Variants in GRIN3A observed in about 807,000 individuals in gnomAD.
GRIN3A encodes the protein glutamate receptor ionotropic, NMDA 3A.
GRIN3A carries 47 observed loss-of-function variants against 92.4 expected under a neutral mutation model. The ratio of observed to expected loss-of-function variants is 0.51; its 90% confidence interval spans 0.40 to 0.65. The LOEUF is 0.65. Among genes scored for constraint, GRIN3A ranks in the 30% least tolerant of loss-of-function variants. GRIN3A has a pLI of 0.00. For missense variants in GRIN3A, 1,324 were observed against 1,393.1 expected, an observed-to-expected ratio of 0.95 and a Z score of 0.79; for synonymous variants, 527 against 540.6, an observed-to-expected ratio of 0.97 and a Z score of 0.35.
chr9:101,643,922 T>G (rs891624905), intron 3 of GRIN3A, among the ~76,000 whole-genome samples: 2 of 151,640 alleles, frequency 1.3e-5, no homozygotes, highest in South Asian at 4.1e-4. Context: ...TATTCATCAG[T>G]TATAAGATGA....
rs887649552 is a variant in GRIN3A, at chr9:101,734,662, G to C, written c.699+2619C>G. Among the ~76,000 whole-genome samples the C allele has an allele frequency of 9.9e-5, 15 of 151,960 alleles. No individual in the cohort carries two copies. The East Asian group carries it at 2.9e-3, about 29-fold the overall frequency. On this transcript the variant is annotated intron_variant, in intron 1 of 8. Coordinates refer to ENST00000361820, the MANE Select transcript of GRIN3A (RefSeq NM_133445.3). Reference sequence around the variant, plus strand: ...TCTTTCCATTTAAGAGTTGTGGCAGGATGTTACCAAAACTATTGCTCATTA... The same window carrying C: ...TCTTTCCATTTAAGAGTTGTGGCAGCATGTTACCAAAACTATTGCTCATTA...
At chr9:101,605,666 A>G (rs904979310) in intron 6 of GRIN3A, among the ~76,000 whole-genome samples, 1 of 152,198 alleles carries the variant, frequency 6.6e-6, no homozygotes, top group African/African-American at 2.4e-5. Context: ...GTGAAGCAAA[A>G]GATGGGGAAA....
intron 8 of GRIN3A, 103 bp downstream of exon 8, chr9:101,577,665 T>G (rs1827842470): frequency 3.4e-6 from 3 of 883,646 alleles, no homozygotes; most frequent in Non-Finnish European, 5.7e-6. Flanking sequence ...TTTATACTGA[T>G]TCTTTTGATA....
chr9:101,610,367 G>A (rs1828345360), intron 6 of GRIN3A, among the ~76,000 whole-genome samples: 1 of 152,156 alleles, frequency 6.6e-6, no homozygotes, highest in Non-Finnish European at 1.5e-5. Context: ...GAGGAGAAAT[G>A]TTTTTGCATC....
chr9:101,625,244 C>A (rs2118873741), intron 4 of GRIN3A, among the ~76,000 whole-genome samples: 1 of 152,170 alleles, frequency 6.6e-6, no homozygotes, highest in Non-Finnish European at 1.5e-5. Context: ...TTAGAGTTGT[C>A]CAAACAGCTT....
intron 1 of GRIN3A, among the ~76,000 whole-genome samples, chr9:101,724,229 A>C (rs1830053962): frequency 6.6e-6 from 1 of 152,186 alleles, no homozygotes; most frequent in South Asian, 2.1e-4. Context: ...AGGCTCAGGC[A>C]TGGCAGGCTG....
chr9:101,673,658 C>T (rs1472551207), intron 2 of GRIN3A, among the ~76,000 whole-genome samples: 4 of 152,104 alleles, frequency 2.6e-5, no homozygotes, highest in Non-Finnish European at 4.4e-5. Context: ...CCTGATTTTG[C>T]TTAAATTGAA....
intron 3 of GRIN3A, among the ~76,000 whole-genome samples, chr9:101,629,568 TAA>T (rs1302315908): frequency 2.0e-5 from 3 of 152,330 alleles, no homozygotes; most frequent in Non-Finnish European, 4.4e-5. Context: ...CACTGTTAAG[TAA>T]GTAATATAGC....
intron 1 of GRIN3A, among the ~76,000 whole-genome samples, chr9:101,731,318 T>G (rs190878295): frequency 2.0e-5 from 3 of 152,326 alleles, no homozygotes; most frequent in Admixed American, 1.3e-4. Context: ...CTACAATGCA[T>G]AGTTCTTTCT....
chr9:101,611,253 T>G (rs767023872), intron 6 of GRIN3A, among the ~76,000 whole-genome samples: 2 of 152,192 alleles, frequency 1.3e-5, no homozygotes, highest in African/African-American at 2.4e-5. Context: ...TCCTAGCTTC[T>G]GAGGATTGCT....
At chr9:101,692,281 C>G (rs1252339960) in intron 1 of GRIN3A, among the ~76,000 whole-genome samples, 1 of 152,076 alleles carries the variant, frequency 6.6e-6, no homozygotes, top group African/African-American at 2.4e-5. Context: ...CCCCACACCC[C>G]CAACTCTTCT....
chr9:101,737,960 C>A lies in GRIN3A; in HGVS notation c.20G>T (p.Trp7Leu). The A allele has an allele frequency of 6.5e-7, 1 of 1,537,220 alleles. No homozygotes were observed. Among genetic ancestry groups the A allele is most frequent in the Non-Finnish European group, 8.7e-7 (1 of 1,148,230 alleles). Residue 7 changes from tryptophan (W) to leucine (L), a missense_variant, in exon 1 of 9, where the codon TGG becomes TTG. Trp to Leu is a moderately conservative substitution (Grantham distance 61). Coordinates refer to ENST00000361820, the MANE Select transcript of GRIN3A (RefSeq NM_133445.3). ...CAGACAGACCCTGCTCAGCAGCCAC[C>A]ACAAACTCAGTCTCCTCATTACTGA... MRRLSL[W>L]WLLSRVCLLL...
chr9:101,651,419 G>T (rs1369629542), intron 3 of GRIN3A, among the ~76,000 whole-genome samples: 1 of 151,984 alleles, frequency 6.6e-6, no homozygotes, highest in African/African-American at 2.4e-5. Context: ...GGCTACTTTT[G>T]TTAAAGAGTC....
chr9:101,672,698 G>A (rs891080513), intron 2 of GRIN3A, among the ~76,000 whole-genome samples: 1 of 152,142 alleles, frequency 6.6e-6, no homozygotes, highest in Non-Finnish European at 1.5e-5. Flanking sequence ...AGATATAAAT[G>A]TAAATCACAT....
rs140527626 is a variant in GRIN3A at position 101,632,070 on chromosome 9, C to A, written c.2353-3669G>T. Among the ~76,000 whole-genome samples, 711 of 152,290 alleles carry A rather than the reference C, an allele frequency of 4.7e-3. 8 individuals carry two copies. Among genetic ancestry groups the A allele is most frequent in the African/African-American group, 0.014 (592 of 41,566 alleles). ...TTTCCTAGCCTTGTCGTCCTGCTCTCCCCCTGGCCTTCCAAGCTTTGGCCA... is the reference window on the plus strand; with the variant it reads ...TTTCCTAGCCTTGTCGTCCTGCTCTACCCCTGGCCTTCCAAGCTTTGGCCA... On this transcript the variant is annotated intron_variant, in intron 3 of 8. Transcript: ENST00000361820.
chr9:101,648,903 T>C (rs1161265241), intron 3 of GRIN3A, among the ~76,000 whole-genome samples: 1 of 150,920 alleles, frequency 6.6e-6, no homozygotes, highest in Non-Finnish European at 1.5e-5. Context: ...CACTGGACTG[T>C]TTTTTTTTCC....
intron 1 of GRIN3A, among the ~76,000 whole-genome samples, chr9:101,709,098 T>G (rs76490063): frequency 6.7e-6 from 1 of 149,736 alleles, no homozygotes; most frequent in Non-Finnish European, 1.5e-5. Flanking sequence ...TAACTCTTTG[T>G]TTTTTTTTTC....
At chr9:101,618,960 C>G (rs1828509747) in intron 5 of GRIN3A, among the ~76,000 whole-genome samples, 1 of 152,108 alleles carries the variant, frequency 6.6e-6, no homozygotes, top group South Asian at 2.1e-4. Context: ...TCCTTCAACT[C>G]TAAAGATGAA....
chr9:101,703,341 C>G (rs10989597), intron 1 of GRIN3A, among the ~76,000 whole-genome samples: 5 of 152,072 alleles, frequency 3.3e-5, no homozygotes, highest in Non-Finnish European at 5.9e-5. Flanking sequence ...CTGAGTGGAA[C>G]CTTCTTCCTC....
Sources: allele counts gnomAD v4.1 joint callset (sites outside exome capture counted in the v4.1 genomes callset), GRCh38; gene constraint gnomAD v4.1.1; transcripts MANE v1.5; gene names NCBI Gene and HGNC (gene_info 2026-07-23, HGNC 2026-07-21).